MSL2: variants seen among roughly 807,000 people sequenced by gnomAD.
MSL2 encodes MSL complex subunit 2, also known as E3 ubiquitin-protein ligase MSL2.
A neutral mutation model predicts 35.8 loss-of-function variants in MSL2; 2 were observed. The ratio of observed to expected loss-of-function variants is 0.06; its 90% confidence interval spans 0.02 to 0.18. The LOEUF is 0.18. Among genes scored for constraint, MSL2 ranks in the 10% least tolerant of loss-of-function variants. The pLI, the probability that MSL2 is intolerant of heterozygous loss-of-function variation, is 1.00. For synonymous variants in MSL2, 296 were observed against 255.7 expected (o/e 1.16, Z -1.50); for missense variants, 523 against 706.7 (o/e 0.74, Z 2.95).
intron 1 of MSL2, among the ~76,000 whole-genome samples, chr3:136,187,121 A>T (rs184921531): frequency 6.6e-6 from 1 of 152,342 alleles, no homozygotes; most frequent in African/African-American, 2.4e-5. Flanking sequence ...TATCAAGTAC[A>T]TGTTATGTGA....
At chr3:136,166,321 G>A (rs36060212) in intron 1 of MSL2, among the ~76,000 whole-genome samples, 11,842 of 151,972 alleles carry the variant, frequency 0.078, 618 homozygotes, top group Middle Eastern at 0.12. Context: ...CCGGGAGGTG[G>A]AGGTGGCAGT....
Position 136,151,177 on chromosome 3 carries a change from A to C in MSL2, c.1704T>G (p.Asp568Glu). 2 of 1,614,060 alleles carry C rather than the reference A, an allele frequency of 1.2e-6. No homozygotes were observed. Among genetic ancestry groups the C allele is most frequent in the Non-Finnish European group, 1.7e-6 (2 of 1,179,886 alleles). Residue 568 changes from aspartate to glutamate, a missense_variant, in exon 2 of 2, where the codon GAT becomes GAG. Asp to Glu is a conservative substitution (Grantham distance 45, BLOSUM62 2). Coordinates refer to ENST00000309993, the MANE Select transcript of MSL2 (RefSeq NM_018133.4). The surrounding 1 kb of genome is among the most constrained non-coding windows in gnomAD (Gnocchi z 5.2). ...AASTHDDKSL[D>E]EAIDMRFDC ...AGTCGAATCTCATGTCTATAGCTTCATCCAAACTTTTATCATCATGTGTAC... is the reference window on the plus strand; with the variant it reads ...AGTCGAATCTCATGTCTATAGCTTCCTCCAAACTTTTATCATCATGTGTAC...
chr3:136,184,775 G>A (rs1201747966), intron 1 of MSL2, among the ~76,000 whole-genome samples: 3 of 140,308 alleles, frequency 2.1e-5, no homozygotes, highest in East Asian at 2.0e-4. Context: ...CAAAGGTCAC[G>A]TGTGACCAAG....
intron 1 of MSL2, among the ~76,000 whole-genome samples, chr3:136,159,859 C>T (rs1939650931): frequency 1.3e-5 from 2 of 151,900 alleles, no homozygotes; most frequent in Non-Finnish European, 2.9e-5. Context: ...TTTCTATTGG[C>T]CAAAGTGTTC....
chr3:136,170,688 T>C (rs1234692987), intron 1 of MSL2, among the ~76,000 whole-genome samples: 2 of 151,770 alleles, frequency 1.3e-5, no homozygotes, highest in Non-Finnish European at 1.5e-5. Context: ...TTTGTATTTT[T>C]AGTAGAGACA....
intron 1 of MSL2, among the ~76,000 whole-genome samples, chr3:136,187,715 A>G (rs932415173): frequency 6.6e-6 from 1 of 152,134 alleles, no homozygotes; most frequent in South Asian, 2.1e-4. Flanking sequence ...ATATTTTCTA[A>G]AACAATTTCA....
In MSL2 at chr3:136,177,680, TAAAAAA is replaced by T. The variant is rs397738424; in HGVS notation, c.142+17286_142+17291del. On this transcript the variant is annotated intron_variant, in intron 1 of 1. Coordinates refer to ENST00000309993, the MANE Select transcript of MSL2 (RefSeq NM_018133.4). ...GGCGACAGAGCGAGACTCCGTCTCA[TAAAAAA>T]AAAAAAAAAAAAAAAAAGATGCTAC... Among the ~76,000 whole-genome samples the T allele has an allele frequency of 3.3e-3, 260 of 78,476 alleles. 3 individuals are homozygous for T. The highest frequency in any genetic ancestry group is 9.8e-3 in the African/African-American group (178 of 18,072). The allele number at this position is 78,476 out of a possible 152,430, so 51.5% of individuals were successfully genotyped here.
At chr3:136,160,961 C>G (rs1469939182) in intron 1 of MSL2, among the ~76,000 whole-genome samples, 1 of 151,842 alleles carries the variant, frequency 6.6e-6, no homozygotes, top group Non-Finnish European at 1.5e-5. Context: ...GTGGTGCATG[C>G]CTGTAATCCC....
intron 1 of MSL2, among the ~76,000 whole-genome samples, chr3:136,176,269 T>A (rs966536775): frequency 6.6e-6 from 1 of 152,090 alleles, no homozygotes; most frequent in Admixed American, 6.6e-5. Context: ...ATCCCAGCAC[T>A]ATGGGAAGCC....
chr3:136,156,608 G>GT (rs1213579989), intron 1 of MSL2, among the ~76,000 whole-genome samples: 1 of 152,212 alleles, frequency 6.6e-6, no homozygotes, highest in African/African-American at 2.4e-5. Flanking sequence ...GCTCACGCCT[G>GT]TAATCCAGCA....
At chr3:136,160,743 A>G (rs1046594623) in intron 1 of MSL2, among the ~76,000 whole-genome samples, 3 of 151,792 alleles carry the variant, frequency 2.0e-5, no homozygotes, top group Non-Finnish European at 4.4e-5. Context: ...CGGTAAAATG[A>G]CAATATAATT....
intron 1 of MSL2, among the ~76,000 whole-genome samples, chr3:136,175,995 G>C (rs780960412): frequency 6.6e-6 from 1 of 151,100 alleles, no homozygotes; most frequent in Non-Finnish European, 1.5e-5. Context: ...TAAAGATGTC[G>C]AGTATGTTTC....
chr3:136,151,301 A>G lies in MSL2; in HGVS notation c.1580T>C (p.Leu527Ser), dbSNP rs1435671887. ...AGCAATGCTAGTCACGTTAATGCCC[A>G]AAGTGAGCCTGGTCTGCTCCAAGGC... ...EKALEQTRLTLGINVTSIAVR... is the reference protein window; with the variant it reads ...EKALEQTRLTSGINVTSIAVR... The change falls in exon 2 of 2, where the codon TTG (leucine) becomes TCG (serine). Residue 527 changes from leucine (L) to serine (S), a missense_variant. Physicochemically the swap from Leu to Ser is moderately radical, Grantham distance 145 (BLOSUM62 -2). Around this residue, in one of 5 missense-constraint regions of MSL2, gnomAD observed 60 missense variants for 75.1 expected, o/e 0.80. Coordinates refer to ENST00000309993, the MANE Select transcript of MSL2 (RefSeq NM_018133.4). The surrounding 1 kb of genome is among the most constrained non-coding windows in gnomAD (Gnocchi z 5.2). 6.2e-7 allele frequency: 1 copy of G among 1,614,134 alleles called. No individual in the cohort carries two copies. Among genetic ancestry groups the G allele is most frequent in the African/African-American group, 1.3e-5 (1 of 74,952 alleles).
chr3:136,158,359 A>G (rs1423358052), intron 1 of MSL2, among the ~76,000 whole-genome samples: 1 of 151,982 alleles, frequency 6.6e-6, no homozygotes, highest in Non-Finnish European at 1.5e-5. Context: ...AATCTCCCAT[A>G]AACATGACAA....
At position 136,151,777 on chromosome 3, in the gene MSL2, T is replaced by C. The variant is rs1290246824; in HGVS notation, c.1104A>G (p.Ala368=). 25 of 1,614,228 alleles carry C rather than the reference T, an allele frequency of 1.5e-5. No individual in the cohort carries two copies. Among genetic ancestry groups the C allele is most frequent in the Non-Finnish European group, 2.1e-5 (25 of 1,180,038 alleles). ...CCCGTTTCACTGTCACAGGAGCAGA[T>C]GCCCCCAGTGTTGGGCCTCGGATAA... The part of the protein sequence containing the change: ...STIIRGPTLG[A]SAPVTVKRES... The change falls in exon 2 of 2, where the codon GCA becomes GCG. Residue 368 remains alanine (A), a synonymous_variant. Coordinates refer to ENST00000309993, the MANE Select transcript of MSL2 (RefSeq NM_018133.4). The surrounding 1 kb of genome is among the most constrained non-coding windows in gnomAD (Gnocchi z 5.2).
At chr3:136,169,212 T>G (rs1325422428) in intron 1 of MSL2, among the ~76,000 whole-genome samples, 56 of 87,648 alleles carry the variant, frequency 6.4e-4, no homozygotes, top group Admixed American at 1.6e-3. Context: ...ATGGCTTGTT[T>G]TTGTTGTTGT....
chr3:136,192,176 CTT>C (rs908275894), intron 1 of MSL2, among the ~76,000 whole-genome samples: 2 of 152,088 alleles, frequency 1.3e-5, no homozygotes, highest in Non-Finnish European at 2.9e-5. Context: ...AGAAAGATAA[CTT>C]TTTTATTTTT....
At chr3:136,168,784 A>C (rs1939926537) in intron 1 of MSL2, among the ~76,000 whole-genome samples, 1 of 152,106 alleles carries the variant, frequency 6.6e-6, no homozygotes, top group Non-Finnish European at 1.5e-5. Flanking sequence ...CAAAGTTTTT[A>C]AATATTAAGT....
chr3:136,166,471 T>G (rs1939858764), intron 1 of MSL2, among the ~76,000 whole-genome samples: 1 of 152,294 alleles, frequency 6.6e-6, no homozygotes, highest in South Asian at 2.1e-4. Flanking sequence ...TAAGTAATAT[T>G]TTTTTGAATC....
Sources: allele counts gnomAD v4.1 joint callset (sites outside exome capture counted in the v4.1 genomes callset), GRCh38; gene constraint gnomAD v4.1.1; regional missense constraint gnomAD v4.1.1; non-coding constraint Gnocchi (gnomAD v3.1); transcripts MANE v1.5; gene names NCBI Gene and HGNC (gene_info 2026-07-23, HGNC 2026-07-21).